Variants in SPTLC1 observed in about 807,000 individuals in gnomAD.
The protein encoded by SPTLC1 is serine palmitoyltransferase long chain base subunit 1, also known as serine palmitoyltransferase 1.
In SPTLC1, 55 loss-of-function variants were observed where a neutral mutation model predicts 68.9. The observed-to-expected ratio is 0.80, with a 90% CI of 0.64 to 1.00. The LOEUF (loss-of-function observed/expected upper bound fraction) is 1.00. Among genes scored for constraint, SPTLC1 ranks in the 50% least tolerant of loss-of-function variants. The pLI is 0.00. For missense variants in SPTLC1, 449 were observed against 573.1 expected (o/e 0.78, Z 2.21); for synonymous variants, 197 against 201.6 (o/e 0.98, Z 0.19).
intron 12 of SPTLC1, among the ~76,000 whole-genome samples, chr9:92,044,330 G>T (rs969962851): frequency 6.6e-6 from 1 of 152,350 alleles, no homozygotes; most frequent in Admixed American, 6.5e-5. Context: ...AGATGTAAAA[G>T]GAAATCCAGG....
At chr9:92,051,058 T>A (rs543617274) in intron 8 of SPTLC1, 1 of 985,278 alleles carries the variant, frequency 1.0e-6, no homozygotes, top group Non-Finnish European at 1.2e-6. Context: ...TTCATTACTG[T>A]AGCCCTATAA....
intron 6 of SPTLC1, among the ~76,000 whole-genome samples, chr9:92,061,979 TAAACTC>T (rs751770904): frequency 7.9e-5 from 12 of 152,280 alleles, no homozygotes; most frequent in Non-Finnish European, 1.6e-4. Flanking sequence ...TTAACAGACT[TAAACTC>T]TACTATGTCA....
At chr9:92,105,182 T>C in intron 3 of SPTLC1, 1 of 1,533,888 alleles carries the variant, frequency 6.5e-7, no homozygotes, top group South Asian at 1.2e-5. Flanking sequence ...AAGAAAACTG[T>C]CGGGGCCACC....
chr9:92,040,284 C>T (rs556868064), intron 12 of SPTLC1, among the ~76,000 whole-genome samples: 4 of 151,860 alleles, frequency 2.6e-5, no homozygotes, highest in African/African-American at 7.2e-5. Context: ...GTAGTACAAT[C>T]GCTTGAACCT....
intron 9 of SPTLC1, among the ~76,000 whole-genome samples, chr9:92,049,289 T>C (rs1833624933): frequency 6.6e-6 from 1 of 152,212 alleles, no homozygotes; most frequent in South Asian, 2.1e-4. Flanking sequence ...AAGCTTTCTG[T>C]AACTCTTCCC....
chr9:92,063,974 T>G (rs1834193563), intron 6 of SPTLC1, among the ~76,000 whole-genome samples: 1 of 152,196 alleles, frequency 6.6e-6, no homozygotes, highest in African/African-American at 2.4e-5. Context: ...TTACTACTTT[T>G]AACACAGTCC....
At chr9:92,107,377 C>G (rs1261164995) in intron 3 of SPTLC1, among the ~76,000 whole-genome samples, 5 of 152,152 alleles carry the variant, frequency 3.3e-5, no homozygotes, top group African/African-American at 1.2e-4. Context: ...AGACAACTGA[C>G]CATCATATGG....
intron 3 of SPTLC1, among the ~76,000 whole-genome samples, chr9:92,094,946 C>T (rs1835480484): frequency 6.6e-6 from 1 of 152,168 alleles, no homozygotes. Flanking sequence ...AATGACTCAT[C>T]AGTGACTCTC....
chr9:92,048,687 ACT>A (rs1373775605), intron 9 of SPTLC1, among the ~76,000 whole-genome samples: 1 of 152,094 alleles, frequency 6.6e-6, no homozygotes, highest in East Asian at 1.9e-4. Flanking sequence ...AAAGATAAAA[ACT>A]CTCTCAAAAC....
At chr9:92,078,335 C>T (rs938161701) in intron 5 of SPTLC1, among the ~76,000 whole-genome samples, 2 of 152,172 alleles carry the variant, frequency 1.3e-5, no homozygotes, top group Non-Finnish European at 2.9e-5. Context: ...AAATAATTCC[C>T]TACCAATCAA....
At chr9:92,074,776 C>T (rs1834621070) in intron 5 of SPTLC1, among the ~76,000 whole-genome samples, 1 of 151,646 alleles carries the variant, frequency 6.6e-6, no homozygotes, top group Admixed American at 6.5e-5. Flanking sequence ...ATCAGATTGT[C>T]CTCCCCATTC....
At chr9:92,095,412 T>C (rs183038052) in intron 3 of SPTLC1, among the ~76,000 whole-genome samples, 161 of 152,296 alleles carry the variant, frequency 1.1e-3, no homozygotes, top group African/African-American at 3.8e-3. Flanking sequence ...TGAGGGAATA[T>C]TAATCAGAGG....
At chr9:92,041,088 C>T (rs972401152) in intron 12 of SPTLC1, among the ~76,000 whole-genome samples, 1 of 152,158 alleles carries the variant, frequency 6.6e-6, no homozygotes, top group Non-Finnish European at 1.5e-5. Context: ...AAGGTAGCCA[C>T]GGTCTCCACT....
chr9:92,085,443 C>G (rs1407956225), intron 3 of SPTLC1, among the ~76,000 whole-genome samples: 1 of 151,790 alleles, frequency 6.6e-6, no homozygotes, highest in Non-Finnish European at 1.5e-5. Flanking sequence ...TATGTAGTGT[C>G]TTTGTTCTCG....
chr9:92,112,149 C>A (rs1387132715), intron 2 of SPTLC1, among the ~76,000 whole-genome samples: 4 of 152,192 alleles, frequency 2.6e-5, no homozygotes, highest in Non-Finnish European at 5.9e-5. Flanking sequence ...TGCAGCAACT[C>A]ACACAACACT....
At chr9:92,048,893 T>C (rs1175554291) in intron 9 of SPTLC1, among the ~76,000 whole-genome samples, 2 of 152,220 alleles carry the variant, frequency 1.3e-5, no homozygotes, top group African/African-American at 4.8e-5. Context: ...TCTCAGGCGC[T>C]TGTGAGTATT....
intron 6 of SPTLC1, among the ~76,000 whole-genome samples, chr9:92,064,641 G>T (rs1003716167): frequency 2.0e-4 from 31 of 152,294 alleles, no homozygotes; most frequent in African/African-American, 6.7e-4. Context: ...TGCTCACATA[G>T]CATGAATGTA....
At chr9:92,047,365 T>C (rs1244161334) in intron 10 of SPTLC1, 97 bp from the exon 11 acceptor site, 1 of 1,019,880 alleles carries the variant, frequency 9.8e-7, no homozygotes, top group Non-Finnish European at 1.5e-6. Context: ...CTGAACAGTG[T>C]GTACATGTGG....
chr9:92,095,828 A>G (rs898311924), intron 3 of SPTLC1, among the ~76,000 whole-genome samples: 16 of 152,234 alleles, frequency 1.1e-4, no homozygotes, highest in African/African-American at 3.9e-4. Context: ...AGCAGTGAAA[A>G]GCCAAGCAGC....
Sources: allele counts gnomAD v4.1 joint callset (sites outside exome capture counted in the v4.1 genomes callset), GRCh38; gene constraint gnomAD v4.1.1; transcripts MANE v1.5; gene names NCBI Gene and HGNC (gene_info 2026-07-23, HGNC 2026-07-21).